HS6ST3: variants seen among roughly 807,000 people sequenced by gnomAD.
The protein encoded by HS6ST3 is heparan sulfate 6-O-sulfotransferase 3.
A neutral mutation model predicts 36.7 loss-of-function variants in HS6ST3; 12 were observed. That is an observed-to-expected ratio of 0.33 (90% confidence interval 0.21 to 0.53). HS6ST3 has a LOEUF of 0.53. Among genes scored for constraint, HS6ST3 ranks in the 20% least tolerant of loss-of-function variants. The pLI is 0.95. For synonymous variants in HS6ST3, 240 were observed against 257.5 expected (o/e 0.93, Z 0.65); for missense variants, 584 against 640.9 (o/e 0.91, Z 0.96).
At chr13:96,495,393 C>T (rs2055969895) in intron 1 of HS6ST3, among the ~76,000 whole-genome samples, 1 of 152,142 alleles carries the variant, frequency 6.6e-6, no homozygotes, top group Non-Finnish European at 1.5e-5. Flanking sequence ...AAATAGACTT[C>T]ATTAAGTGAA....
At chr13:96,706,436 TATATAA>T (rs1307704647) in intron 1 of HS6ST3, among the ~76,000 whole-genome samples, 1 of 139,342 alleles carries the variant, frequency 7.2e-6, no homozygotes, top group African/African-American at 2.8e-5. Context: ...TATATATATA[TATATAA>T]TCAGGGAAAG....
intron 1 of HS6ST3, among the ~76,000 whole-genome samples, chr13:96,733,930 C>T (rs371915650): frequency 1.3e-5 from 2 of 152,310 alleles, no homozygotes; most frequent in African/African-American, 4.8e-5. Flanking sequence ...CAGCCTTGCA[C>T]CTAGACCACT....
intron 1 of HS6ST3, among the ~76,000 whole-genome samples, chr13:96,805,870 T>A (rs996141097): frequency 6.6e-6 from 1 of 152,198 alleles, no homozygotes; most frequent in Admixed American, 6.5e-5. Flanking sequence ...TTTACATTGA[T>A]ATCCAAGTGA....
intron 1 of HS6ST3, among the ~76,000 whole-genome samples, chr13:96,658,427 T>C (rs894921251): frequency 2.7e-5 from 4 of 150,924 alleles, no homozygotes; most frequent in Admixed American, 2.0e-4. Context: ...ACTACAGGCA[T>C]GCACCTCCAC....
At chr13:96,253,281 T>C (rs1033749568) in intron 1 of HS6ST3, among the ~76,000 whole-genome samples, 1 of 152,170 alleles carries the variant, frequency 6.6e-6, no homozygotes, top group African/African-American at 2.4e-5. Context: ...TCCGCTGTGC[T>C]GACTCCTTCA....
intron 1 of HS6ST3, among the ~76,000 whole-genome samples, chr13:96,275,055 TA>T (rs2054741401): frequency 6.6e-6 from 1 of 151,878 alleles, no homozygotes; most frequent in East Asian, 1.9e-4. Context: ...ATCTTGGGAG[TA>T]AAAAAACCTC....
At chr13:96,180,754 C>T (rs1387382096) in intron 1 of HS6ST3, among the ~76,000 whole-genome samples, 3 of 26,876 alleles carry the variant, frequency 1.1e-4, no homozygotes, top group Non-Finnish European at 3.3e-4. Context: ...GATTAAGAGT[C>T]TGAGGCTTAA....
chr13:96,151,112 C>T (rs947186205), intron 1 of HS6ST3, among the ~76,000 whole-genome samples: 1 of 152,114 alleles, frequency 6.6e-6, no homozygotes. Flanking sequence ...AAAAAGACTA[C>T]CTGGATACAC....
At chr13:96,534,778 G>C (rs1012317616) in intron 1 of HS6ST3, among the ~76,000 whole-genome samples, 1 of 152,134 alleles carries the variant, frequency 6.6e-6, no homozygotes, top group Non-Finnish European at 1.5e-5. Context: ...GGCCAACATG[G>C]TGAAACCCTG....
At chr13:96,392,863 A>C (rs2055402711) in intron 1 of HS6ST3, among the ~76,000 whole-genome samples, 1 of 152,184 alleles carries the variant, frequency 6.6e-6, no homozygotes, top group South Asian at 2.1e-4. Context: ...TTTTAAACAT[A>C]GGGTTTACAT....
At chr13:96,322,754 C>T (rs1224097234) in intron 1 of HS6ST3, among the ~76,000 whole-genome samples, 1 of 152,148 alleles carries the variant, frequency 6.6e-6, no homozygotes, top group Non-Finnish European at 1.5e-5. Flanking sequence ...CTTTCATGAA[C>T]CCGTTATAAT....
chr13:96,499,277 C>T (rs142247178), intron 1 of HS6ST3, among the ~76,000 whole-genome samples: 4,010 of 152,232 alleles, frequency 0.026, 79 homozygotes, highest in Middle Eastern at 0.061. Context: ...CCGCCCACCT[C>T]GGCCTCCCAA....
At chr13:96,831,981 C>G (rs1468118372) in intron 1 of HS6ST3, among the ~76,000 whole-genome samples, 1 of 51,570 alleles carries the variant, frequency 1.9e-5, no homozygotes, top group Non-Finnish European at 3.8e-5. Flanking sequence ...AAAAAAAAAA[C>G]AGAGATTAAG....
intron 1 of HS6ST3, among the ~76,000 whole-genome samples, chr13:96,184,672 C>T (rs1784139904): frequency 6.6e-6 from 1 of 152,106 alleles, no homozygotes; most frequent in Non-Finnish European, 1.5e-5. Context: ...TTCAGGACTT[C>T]CTGTAAAAGT....
intron 1 of HS6ST3, among the ~76,000 whole-genome samples, chr13:96,499,313 A>C (rs1999026): frequency 0.77 from 117,802 of 152,030 alleles, 47,936 homozygotes; most frequent in Non-Finnish European, 0.9. Context: ...GGCGTGAGCC[A>C]CCATGCCTGG....
chr13:96,247,234 G>C (rs1336674717), intron 1 of HS6ST3, among the ~76,000 whole-genome samples: 2 of 151,944 alleles, frequency 1.3e-5, no homozygotes, highest in Non-Finnish European at 2.9e-5. Context: ...GTGGCAACGT[G>C]TCTATTGAAC....
chr13:96,383,458 A>G (rs568306896), intron 1 of HS6ST3, among the ~76,000 whole-genome samples: 59 of 152,244 alleles, frequency 3.9e-4, no homozygotes, highest in African/African-American at 1.3e-3. Flanking sequence ...AAGAAAAAAA[A>G]AGTGGGAGAG....
At chr13:96,716,547 C>T (rs1004438665) in intron 1 of HS6ST3, among the ~76,000 whole-genome samples, 1 of 152,046 alleles carries the variant, frequency 6.6e-6, no homozygotes, top group African/African-American at 2.4e-5. Context: ...ATGAAAAATG[C>T]TCACTGCAAT....
chr13:96,637,694 G>C (rs2056554619), intron 1 of HS6ST3, among the ~76,000 whole-genome samples: 1 of 152,048 alleles, frequency 6.6e-6, no homozygotes, highest in Admixed American at 6.6e-5. Context: ...ATTAGATGCT[G>C]TATATTCAGT....
Sources: gnomAD v4.1 joint callset for allele counts (sites outside exome capture counted in the v4.1 genomes callset) on GRCh38, gnomAD v4.1.1 for gene constraint, MANE v1.5 for transcripts, NCBI Gene and HGNC (gene_info 2026-07-23, HGNC 2026-07-21) for gene names.